Variants in ABCA8 observed in about 807,000 individuals in gnomAD.
The protein encoded by ABCA8 is ATP binding cassette subfamily A member 8, also known as ABC-type organic anion transporter ABCA8.
ABCA8 carries 177 observed loss-of-function variants against 192.3 expected under a neutral mutation model. That is an observed-to-expected ratio of 0.92 (90% CI 0.81 to 1.04). The LOEUF (loss-of-function observed/expected upper bound fraction) is 1.04, where lower values mean the gene tolerates loss of function less well. Ranked by LOEUF, ABCA8 falls within the 50% of genes least tolerant of loss-of-function variation. ABCA8 has a pLI of 0.00. For synonymous variants in ABCA8, 642 were observed against 690.2 expected (o/e 0.93, Z 1.09); for missense variants, 1,915 against 1,904.8 (o/e 1.01, Z -0.10).
rs772975024 is a variant in ABCA8 at position 68,876,534 on chromosome 17, T to G, written c.4296A>C (p.Ile1432=). The change falls in exon 35 of 40, where the codon ATA becomes ATC. Residue 1432 remains isoleucine (I), a synonymous_variant. Transcript: ENST00000586539. The part of the protein sequence containing the change: ...IKRKLCFVLS[I]LGNPSVVLLD... ...GAAGCACCACTGACGGGTTCCCCAG[T>G]ATGCTCAGGACAAAGCACAGCTGCA... The G allele has an allele frequency of 1.3e-5, 21 of 1,613,972 alleles. No homozygotes were observed. The highest frequency in any genetic ancestry group is 8.0e-5 in the African/African-American group (6 of 74,906).
intron 26 of ABCA8, 194 bp downstream of exon 26, chr17:68,886,823 C>T (rs1257971469): frequency 9.0e-6 from 3 of 334,338 alleles, no homozygotes; most frequent in East Asian, 4.9e-5. Flanking sequence ...AGAAGAGAGG[C>T]TTTATGGAAT....
rs1286975284 is a variant in ABCA8, at chr17:68,887,937, ATATATATTATAT to A, written c.3145-443_3145-432del. Reference sequence around the variant, plus strand: ...ATATATATATATATTATATATGGATATATATATTATATATATGGATATATATACACACACATA... The same window carrying A: ...ATATATATATATATTATATATGGATAATATGGATATATATACACACACATA... On this transcript the variant is annotated intron_variant, in intron 24 of 39. Transcript: ENST00000586539. Among the ~76,000 whole-genome samples the A allele has an allele frequency of 3.4e-3, 359 of 104,124 alleles. 18 individuals carry two copies. The highest frequency in any genetic ancestry group is 0.012 in the African/African-American group (346 of 28,640). 68.3% of individuals were successfully genotyped at this position (104,124 alleles called of 152,430 possible). A position where few individuals can be genotyped will look rare whatever the true frequency, so the allele number is the denominator to read the frequency against.
chr17:68,898,634 T>C (rs1273163076), intron 21 of ABCA8, among the ~76,000 whole-genome samples: 1 of 152,150 alleles, frequency 6.6e-6, no homozygotes, highest in African/African-American at 2.4e-5. Context: ...AGTATGTATA[T>C]AATTTTATTG....
intron 21 of ABCA8, among the ~76,000 whole-genome samples, chr17:68,895,567 T>G (rs2066729568): frequency 6.6e-6 from 1 of 152,130 alleles, no homozygotes; most frequent in African/African-American, 2.4e-5. Context: ...TAAATCTCAG[T>G]AAGAACACTG....
At chr17:68,937,194 T>C in intron 4 of ABCA8, 79 bp from the exon 5 acceptor site, 1 of 1,202,928 alleles carries the variant, frequency 8.3e-7, no homozygotes, top group Non-Finnish European at 1.1e-6. Flanking sequence ...GAATTGCTTT[T>C]ACTAGAGTTT....
At chr17:68,929,984 C>A (rs1395371229) in intron 7 of ABCA8, among the ~76,000 whole-genome samples, 1 of 21,204 alleles carries the variant, frequency 4.7e-5, no homozygotes, top group African/African-American at 1.8e-4. Flanking sequence ...GGGGTGGGGG[C>A]GGTGGGGGGG....
intron 17 of ABCA8, among the ~76,000 whole-genome samples, chr17:68,916,687 A>G (rs2067374704): frequency 6.6e-6 from 1 of 151,812 alleles, no homozygotes; most frequent in Admixed American, 6.6e-5. Flanking sequence ...GGGAAGATCT[A>G]GAAGGAGTGG....
chr17:68,912,953 G>A (rs531292437), intron 17 of ABCA8, among the ~76,000 whole-genome samples: 16 of 152,190 alleles, frequency 1.1e-4, no homozygotes, highest in Admixed American at 2.0e-4. Flanking sequence ...ATACACAGTC[G>A]TCTCCTCAGC....
At chr17:68,884,592 A>G (rs534256180) in intron 27 of ABCA8, 196 bp from the exon 28 acceptor site, 1 of 1,274,990 alleles carries the variant, frequency 7.8e-7, no homozygotes, top group African/African-American at 1.5e-5. Flanking sequence ...AAGCAATAGG[A>G]TTTATCAATT....
intron 36 of ABCA8, 28 bp downstream of exon 36, chr17:68,875,586 C>T: frequency 6.2e-7 from 1 of 1,609,438 alleles, no homozygotes; most frequent in Non-Finnish European, 8.5e-7. Context: ...ACCTTGGGCT[C>T]AAGTGTGGGT....
chr17:68,915,850 G>A (rs1598252986), intron 17 of ABCA8, among the ~76,000 whole-genome samples: 1 of 152,088 alleles, frequency 6.6e-6, no homozygotes, highest in East Asian at 1.9e-4. Context: ...CACCATTCAC[G>A]AGAGCCGAGA....
chr17:68,881,294 C>T, intron 31 of ABCA8, 83 bp from the exon 32 acceptor site: 1 of 967,740 alleles, frequency 1.0e-6, no homozygotes, highest in Non-Finnish European at 1.6e-6. Flanking sequence ...CACTATGTGA[C>T]AAGCATTTGC....
At chr17:68,886,328 T>G (rs959167477) in intron 26 of ABCA8, among the ~76,000 whole-genome samples, 1 of 152,168 alleles carries the variant, frequency 6.6e-6, no homozygotes, top group African/African-American at 2.4e-5. Context: ...CACCTTGTTT[T>G]TTGTCTATAT....
intron 21 of ABCA8, among the ~76,000 whole-genome samples, chr17:68,897,726 A>G (rs2066801999): frequency 6.6e-6 from 1 of 152,208 alleles, no homozygotes; most frequent in South Asian, 2.1e-4. Flanking sequence ...TGAAAAATTC[A>G]CTGAAGGAGC....
Position 68,927,952 on chromosome 17 carries a change from G to A in ABCA8, c.1237C>T (p.Leu413=). The change falls in exon 10 of 40, where the codon CTG becomes TTG. Residue 413 remains leucine, a synonymous_variant. Transcript: ENST00000586539. ...TTTTCAAAGTAAATCGCCAATGCCAGATAGAGGCAAGTGTCAAATGCCAAC... is the reference window on the plus strand; with the variant it reads ...TTTTCAAAGTAAATCGCCAATGCCAAATAGAGGCAAGTGTCAAATGCCAAC... ...FMLAFDTCLY[L]ALAIYFEKIL... The A allele has an allele frequency of 6.2e-7, 1 of 1,607,216 alleles. No individual in the cohort carries two copies. The highest frequency in any genetic ancestry group is 8.5e-7 in the Non-Finnish European group (1 of 1,177,734).
chr17:68,884,244 A>C, intron 28 of ABCA8, 87 bp downstream of exon 28: 2 of 1,205,834 alleles, frequency 1.7e-6, no homozygotes, highest in Non-Finnish European at 2.2e-6. Context: ...CTCTAACTTA[A>C]TAAAAGAAGT....
At chr17:68,915,525 G>A (rs1254902349) in intron 17 of ABCA8, among the ~76,000 whole-genome samples, 2 of 151,772 alleles carry the variant, frequency 1.3e-5, no homozygotes, top group Non-Finnish European at 2.9e-5. Flanking sequence ...TATGAAAAAG[G>A]GCTCAATATC....
intron 17 of ABCA8, among the ~76,000 whole-genome samples, chr17:68,913,149 C>T (rs1186554368): frequency 6.6e-6 from 1 of 151,960 alleles, no homozygotes; most frequent in Non-Finnish European, 1.5e-5. Context: ...TTAGAATGAC[C>T]AGTGTGTCAA....
intron 12 of ABCA8, among the ~76,000 whole-genome samples, chr17:68,921,933 T>C (rs986491343): frequency 4.6e-5 from 7 of 152,006 alleles, no homozygotes; most frequent in Admixed American, 2.6e-4. Flanking sequence ...AAACTTGAGT[T>C]TGTAGAAAAA....
Sources: gnomAD v4.1 joint callset for allele counts (sites outside exome capture counted in the v4.1 genomes callset) on GRCh38, gnomAD v4.1.1 for gene constraint, MANE v1.5 for transcripts, NCBI Gene and HGNC (gene_info 2026-07-23, HGNC 2026-07-21) for gene names.